The following LRRC4C variants were observed in gnomAD, a reference collection of about 807,000 sequenced individuals.
LRRC4C encodes leucine rich repeat containing 4C, also known as leucine-rich repeat-containing protein 4C.
Under a neutral mutation model 33.6 loss-of-function variants are expected in LRRC4C, and 5 were observed. That is an observed-to-expected ratio of 0.15 (90% confidence interval 0.08 to 0.31). LRRC4C has a LOEUF of 0.31. LRRC4C is among the 10% of genes least tolerant of loss of function. The pLI, the probability that LRRC4C is intolerant of heterozygous loss-of-function variation, is 1.00. For missense variants in LRRC4C, 560 were observed against 796.7 expected (o/e 0.70, Z 3.58); for synonymous variants, 329 against 302.0 (o/e 1.09, Z -0.93).
intron 2 of LRRC4C, among the ~76,000 whole-genome samples, chr11:40,832,646 T>C (rs1322102525): frequency 1.3e-5 from 2 of 152,142 alleles, no homozygotes; most frequent in African/African-American, 4.8e-5. Context: ...CTTGTGTCTC[T>C]CTACCAACTT....
At chr11:40,956,431 A>G (rs1958958261) in intron 1 of LRRC4C, among the ~76,000 whole-genome samples, 1 of 151,688 alleles carries the variant, frequency 6.6e-6, no homozygotes, top group Non-Finnish European at 1.5e-5. Context: ...CCTTTTTCAT[A>G]TTCAGAAATA....
intron 1 of LRRC4C, among the ~76,000 whole-genome samples, chr11:41,167,258 T>G (rs1016354429): frequency 1.3e-5 from 2 of 152,158 alleles, no homozygotes; most frequent in African/African-American, 4.8e-5. Context: ...AACAAAACAC[T>G]TTCCCAGCAC....
chr11:40,167,509 C>G (rs1859693997), intron 5 of LRRC4C, among the ~76,000 whole-genome samples: 1 of 152,054 alleles, frequency 6.6e-6, no homozygotes, highest in South Asian at 2.1e-4. Flanking sequence ...AATTAAAAAG[C>G]CACCAGCAGA....
At chr11:40,820,355 G>T in intron 2 of LRRC4C, among the ~76,000 whole-genome samples, 1 of 151,910 alleles carries the variant, frequency 6.6e-6, no homozygotes, top group South Asian at 2.1e-4. Flanking sequence ...AAATTCTCGA[G>T]CTGAAAAGCT....
intron 2 of LRRC4C, among the ~76,000 whole-genome samples, chr11:40,915,785 G>T (rs888694103): frequency 6.1e-4 from 93 of 152,030 alleles, no homozygotes; most frequent in Non-Finnish European, 1.1e-3. Flanking sequence ...GAAAATTTTT[G>T]CAATCTACTC....
At chr11:41,325,557 G>T (rs1951082094) in intron 1 of LRRC4C, among the ~76,000 whole-genome samples, 3 of 101,280 alleles carry the variant, frequency 3.0e-5, no homozygotes, top group African/African-American at 1.0e-4. Context: ...AAAAATTATT[G>T]TCCTTATAGT....
intron 2 of LRRC4C, among the ~76,000 whole-genome samples, chr11:40,724,002 A>C (rs1173463489): frequency 6.6e-6 from 1 of 152,150 alleles, no homozygotes; most frequent in Non-Finnish European, 1.5e-5. Flanking sequence ...CAACATTAAA[A>C]AAAAAGACAA....
At chr11:41,416,576 C>T (rs1052739764) in intron 1 of LRRC4C, among the ~76,000 whole-genome samples, 1 of 152,086 alleles carries the variant, frequency 6.6e-6, no homozygotes, top group South Asian at 2.1e-4. Flanking sequence ...GTTACGGACA[C>T]TTTACTATGT....
At chr11:40,196,603 G>A (rs1862281666) in intron 5 of LRRC4C, among the ~76,000 whole-genome samples, 1 of 152,098 alleles carries the variant, frequency 6.6e-6, no homozygotes, top group Non-Finnish European at 1.5e-5. Context: ...TATGCAAATG[G>A]CATGAAGCAA....
intron 3 of LRRC4C, among the ~76,000 whole-genome samples, chr11:40,483,924 CA>C (rs1229454074): frequency 1.3e-5 from 2 of 151,668 alleles, no homozygotes; most frequent in Non-Finnish European, 2.9e-5. Flanking sequence ...CAAAAAAAGA[CA>C]ATTCACTGTA....
chr11:41,264,846 T>C (rs545641847), intron 1 of LRRC4C, among the ~76,000 whole-genome samples: 1 of 152,240 alleles, frequency 6.6e-6, no homozygotes, highest in Non-Finnish European at 1.5e-5. Flanking sequence ...AGGCTTAAAA[T>C]TACAAATGGT....
At chr11:41,239,753 T>C (rs1404103770) in intron 1 of LRRC4C, among the ~76,000 whole-genome samples, 2 of 152,232 alleles carry the variant, frequency 1.3e-5, no homozygotes, top group Non-Finnish European at 2.9e-5. Flanking sequence ...AGGGATTTTG[T>C]ATATATATTG....
At chr11:41,188,769 A>G (rs1318227907) in intron 1 of LRRC4C, among the ~76,000 whole-genome samples, 2 of 151,750 alleles carry the variant, frequency 1.3e-5, no homozygotes, top group East Asian at 3.9e-4. Flanking sequence ...GGTTTCTAAA[A>G]TGTATTAGCT....
At chr11:40,777,714 G>C (rs544883532) in intron 2 of LRRC4C, among the ~76,000 whole-genome samples, 1 of 151,052 alleles carries the variant, frequency 6.6e-6, no homozygotes, top group Non-Finnish European at 1.5e-5. Context: ...TTGAGATGGA[G>C]TCTTTCTCTG....
intron 2 of LRRC4C, among the ~76,000 whole-genome samples, chr11:40,671,102 A>C (rs1209940351): frequency 6.6e-6 from 1 of 152,150 alleles, no homozygotes; most frequent in African/African-American, 2.4e-5. Context: ...TGGGGTGAGA[A>C]ATGTGTATGG....
At chr11:41,111,952 T>C (rs946150425) in intron 1 of LRRC4C, among the ~76,000 whole-genome samples, 2 of 152,026 alleles carry the variant, frequency 1.3e-5, no homozygotes, top group Non-Finnish European at 2.9e-5. Flanking sequence ...TAGAAAGGTC[T>C]AGCAGAAGAG....
intron 1 of LRRC4C, among the ~76,000 whole-genome samples, chr11:41,136,415 A>C (rs531268090): frequency 2.6e-5 from 4 of 152,274 alleles, no homozygotes; most frequent in Non-Finnish European, 5.9e-5. Flanking sequence ...AGATGGGGAA[A>C]TGCTGGAAAT....
At chr11:40,129,371 TG>T (rs1189650507) in intron 6 of LRRC4C, among the ~76,000 whole-genome samples, 1 of 152,080 alleles carries the variant, frequency 6.6e-6, no homozygotes, top group African/African-American at 2.4e-5. Context: ...TTGAGGGGGA[TG>T]GGGTAGGTGA....
In LRRC4C at chr11:41,104,928, C is replaced by A. The variant is rs115854206; in HGVS notation, c.-495-171205G>T. Among the ~76,000 whole-genome samples the A allele has an allele frequency of 8.5e-3, 1,294 of 151,756 alleles. 18 individuals carry two copies. Among genetic ancestry groups the A allele is most frequent in the African/African-American group, 0.03 (1,257 of 41,452 alleles). ...AAAATAGACTATTGGTTGCCTAGAGCTGGAGATGGGGATTGGCAGTGACTG... is the reference window on the plus strand; with the variant it reads ...AAAATAGACTATTGGTTGCCTAGAGATGGAGATGGGGATTGGCAGTGACTG... On this transcript the variant is annotated intron_variant, in intron 1 of 6. Coordinates refer to ENST00000528697, the MANE Select transcript of LRRC4C (RefSeq NM_001258419.2).
Sources: gnomAD v4.1 joint callset for allele counts (sites outside exome capture counted in the v4.1 genomes callset) on GRCh38, gnomAD v4.1.1 for gene constraint, MANE v1.5 for transcripts, NCBI Gene and HGNC (gene_info 2026-07-23, HGNC 2026-07-21) for gene names.